The following BRD8 variants were observed in gnomAD, a reference collection of about 807,000 sequenced individuals.
The protein encoded by BRD8 is bromodomain-containing protein 8.
BRD8 carries 67 observed loss-of-function variants against 143.1 expected under a neutral mutation model. The ratio of observed to expected loss-of-function variants is 0.47; its 90% CI spans 0.38 to 0.57. The LOEUF (loss-of-function observed/expected upper bound fraction) is 0.57, where lower values mean the gene tolerates loss of function less well. Among genes scored for constraint, BRD8 ranks in the 20% least tolerant of loss-of-function variants. The probability of loss-of-function intolerance (pLI) is 0.00; values close to 1 mark genes in which losing one functional copy is unlikely to be tolerated. For synonymous variants in BRD8, 505 were observed against 517.1 expected (o/e 0.98, Z 0.32); for missense variants, 1,103 against 1,503.0 (o/e 0.73, Z 4.40).
chr5:138,165,821 T>G lies in BRD8; in HGVS notation c.1278+7A>C. ...TGAGATTCTCTGGGGCTTCGCTGAATAGTTACCTTGTCCTCAATGATGGCA... is the reference window on the plus strand; with the variant it reads ...TGAGATTCTCTGGGGCTTCGCTGAAGAGTTACCTTGTCCTCAATGATGGCA... On this transcript the variant is annotated splice_region_variant and intron_variant, in intron 11 of 26. Transcript: ENST00000254900. 1 of 1,610,532 alleles carries G rather than the reference T, an allele frequency of 6.2e-7. No homozygotes were observed. Among genetic ancestry groups the G allele is most frequent in the Non-Finnish European group, 8.5e-7 (1 of 1,177,902 alleles).
chr5:138,168,386 C>T, intron 8 of BRD8: 1 of 946,478 alleles, frequency 1.1e-6, no homozygotes, highest in Admixed American at 2.2e-5. Flanking sequence ...ACTTTTATTC[C>T]CCATGTCACA....
Position 138,139,992 on chromosome 5 carries a change from C to A in BRD8, c.*82G>T. ...GTTGGAAAAGAAAATGAGGACATGG[C>A]AAAGAAGTACCAGGATCCTCTCTAG... is the stretch of plus-strand genomic sequence containing the variant. On this transcript the variant is annotated 3_prime_UTR_variant, in exon 27 of 27. Coordinates refer to ENST00000254900, the MANE Select transcript of BRD8 (RefSeq NM_139199.2). 9.0e-7 allele frequency: 1 copy of A among 1,113,266 alleles called. No homozygotes were observed. The highest frequency in any genetic ancestry group is 1.4e-5 in the South Asian group (1 of 73,920). The allele number at this position is 1,113,266 out of a possible 1,614,324, so 69.0% of individuals were successfully genotyped here. A position where few individuals can be genotyped will look rare whatever the true frequency, so the allele number is the denominator to read the frequency against.
intron 25 of BRD8, 26 bp downstream of exon 25, chr5:138,145,151 C>G (rs1581401408): frequency 5.0e-6 from 8 of 1,594,602 alleles, no homozygotes; most frequent in Non-Finnish European, 6.0e-6. Flanking sequence ...AAGCAACCAA[C>G]CTTTCTTGAC....
chr5:138,166,851 T>C (rs536263764), intron 9 of BRD8, 124 bp from the exon 10 acceptor site: 86 of 674,998 alleles, frequency 1.3e-4, no homozygotes, highest in South Asian at 5.6e-4. Context: ...AACTCCTGCA[T>C]TGAATAAGTT....
intron 6 of BRD8, 36 bp downstream of exon 6, chr5:138,170,796 G>T (rs1753802088): frequency 6.4e-7 from 1 of 1,567,834 alleles, no homozygotes; most frequent in African/African-American, 1.4e-5. Context: ...AGGGTAAAAA[G>T]AAAGAAGCAC....
intron 26 of BRD8, 114 bp from the exon 27 acceptor site, chr5:138,140,280 G>A: frequency 1.3e-6 from 1 of 750,180 alleles, no homozygotes; most frequent in Non-Finnish European, 2.2e-6. Context: ...AAAGTATGAT[G>A]CTACCCAGAA....
intron 2 of BRD8, among the ~76,000 whole-genome samples, chr5:138,175,657 T>C (rs548635958): frequency 1.2e-4 from 18 of 148,346 alleles, no homozygotes; most frequent in Middle Eastern, 6.9e-3. Context: ...CTGGGGAACA[T>C]AGTGGGACCT....
At chr5:138,178,497 G>C in intron 1 of BRD8, 99 bp downstream of exon 1, 3 of 1,150,000 alleles carry the variant, frequency 2.6e-6, no homozygotes, top group East Asian at 2.3e-5. Flanking sequence ...GGGCTCTCAA[G>C]CAACCCACTT....
chr5:138,149,723 A>AG lies in BRD8; in HGVS notation c.3194dup (p.Ser1066PhefsTer5). Reference sequence around the variant, plus strand: ...TAAAGGCATCATCACACTCGCCTGAAGGGGGCTGGTCTTCCATCTCTGACA... The same window carrying AG: ...TAAAGGCATCATCACACTCGCCTGAAGGGGGGCTGGTCTTCCATCTCTGACA... On this transcript the variant is annotated frameshift_variant, in exon 23 of 27. Coordinates refer to ENST00000254900, the MANE Select transcript of BRD8 (RefSeq NM_139199.2). LOFTEE classifies it high-confidence loss of function. The AG allele has an allele frequency of 6.2e-7, 1 of 1,613,912 alleles. No homozygotes were observed.
intron 2 of BRD8, among the ~76,000 whole-genome samples, chr5:138,175,912 CAAAAAAAAAAAAA>C (rs59338837): frequency 2.2e-4 from 4 of 18,602 alleles, no homozygotes; most frequent in Admixed American, 1.3e-3. Flanking sequence ...ACCCTGTCTG[CAAAAAAAAAAAAA>C]AAAAAAAAAA....
At chr5:138,176,208 A>C (rs1754322082) in intron 2 of BRD8, among the ~76,000 whole-genome samples, 1 of 152,068 alleles carries the variant, frequency 6.6e-6, no homozygotes, top group Admixed American at 6.5e-5. Flanking sequence ...AAAAAGTGTT[A>C]TGTCAAGTGA....
intron 2 of BRD8, among the ~76,000 whole-genome samples, chr5:138,172,521 CAAAAAAAAAAA>C (rs10547758): frequency 6.1e-4 from 15 of 24,682 alleles, no homozygotes; most frequent in African/African-American, 1.5e-3. Context: ...GACTCCATCT[CAAAAAAAAAAA>C]AAAAAAAAAA....
intron 20 of BRD8, among the ~76,000 whole-genome samples, chr5:138,158,923 G>C (rs967989645): frequency 1.3e-5 from 2 of 151,820 alleles, no homozygotes; most frequent in Non-Finnish European, 2.9e-5. Flanking sequence ...GCACCACTCC[G>C]CTGCACAGCT....
Position 138,171,180 on chromosome 5 carries a change from A to G in BRD8, c.237-20T>C, listed in dbSNP as rs756356733. On this transcript the variant is annotated intron_variant, in intron 4 of 26. Transcript: ENST00000254900. ...TTCCGTCTGTGGAAAATTGAAAAAA[A>G]AAAATTCATATTCAAATAACATAAC... 8.8e-6 allele frequency: 14 copies of G among 1,598,752 alleles called. No homozygotes were observed. The highest frequency in any genetic ancestry group is 1.2e-5 in the Non-Finnish European group (14 of 1,173,558).
chr5:138,178,004 G>T (rs79778967), intron 1 of BRD8, among the ~76,000 whole-genome samples: 1 of 152,144 alleles, frequency 6.6e-6, no homozygotes, highest in South Asian at 2.1e-4. Flanking sequence ...ATTCCAGTTT[G>T]AACTTATTCA....
intron 1 of BRD8, among the ~76,000 whole-genome samples, chr5:138,178,039 C>A (rs1261887701): frequency 6.6e-6 from 1 of 152,126 alleles, no homozygotes; most frequent in African/African-American, 2.4e-5. Flanking sequence ...GGAACCCGAG[C>A]GGCCAGCCCC....
In BRD8 at chr5:138,164,737, G is replaced by A; in HGVS notation, c.1708C>T (p.Pro570Ser). The stretch of plus-strand genomic sequence containing the variant: ...ACCTCTGTCTTCACATTTGTAAGTG[G>A]AGTCTCATCGCCTTTCCCAATGGCA... ...DVAIGKGDET[P>S]LTNVKTEASP... The change falls in exon 12 of 27, where the codon CCA becomes TCA. Residue 570 changes from proline (P) to serine (S), a missense_variant. Around this residue, in one of 7 missense-constraint regions of BRD8, gnomAD observed 139 missense variants for 139.0 expected, o/e 1.00. Coordinates refer to ENST00000254900, the MANE Select transcript of BRD8 (RefSeq NM_139199.2). 1 of 1,614,134 alleles carries A rather than the reference G, an allele frequency of 6.2e-7. No homozygotes were observed. The highest frequency in any genetic ancestry group is 1.3e-5 in the African/African-American group (1 of 75,028).
chr5:138,144,537 T>C (rs1461691707), intron 25 of BRD8, among the ~76,000 whole-genome samples: 1 of 152,128 alleles, frequency 6.6e-6, no homozygotes, highest in African/African-American at 2.4e-5. Context: ...ACTGAATAAA[T>C]ACAGGGTTCC....
intron 19 of BRD8, 137 bp from the exon 20 acceptor site, chr5:138,159,736 T>G: frequency 1.1e-5 from 9 of 794,756 alleles, no homozygotes; most frequent in East Asian, 2.7e-5. Context: ...AGGAAAGAGA[T>G]CCAAAAGCAA....
Sources: gnomAD v4.1 joint callset for allele counts (sites outside exome capture counted in the v4.1 genomes callset) on GRCh38, gnomAD v4.1.1 for gene constraint, gnomAD v4.1.1 regional missense constraint, MANE v1.5 for transcripts, NCBI Gene and HGNC (gene_info 2026-07-23, HGNC 2026-07-21) for gene names.